KCTD16: variants seen among roughly 807,000 people sequenced by gnomAD.
The protein encoded by KCTD16 is BTB/POZ domain-containing protein KCTD16.
A neutral mutation model predicts 33.2 loss-of-function variants in KCTD16; 13 were observed. The ratio of observed to expected loss-of-function variants is 0.39; its 90% confidence interval spans 0.25 to 0.62. The LOEUF (loss-of-function observed/expected upper bound fraction) is 0.62. Ranked by LOEUF, KCTD16 falls within the 20% of genes least tolerant of loss-of-function variation. KCTD16 has a pLI of 0.50. For missense variants in KCTD16, 441 were observed against 525.1 expected, an observed-to-expected ratio of 0.84 and a Z score of 1.57; for synonymous variants, 197 against 195.3, an observed-to-expected ratio of 1.01 and a Z score of -0.07.
chr5:144,431,091 A>G (rs1753448774), intron 3 of KCTD16, among the ~76,000 whole-genome samples: 4 of 152,140 alleles, frequency 2.6e-5, no homozygotes, highest in Non-Finnish European at 5.9e-5. Flanking sequence ...ATTAAATGCA[A>G]TGGTACTTTC....
intron 3 of KCTD16, among the ~76,000 whole-genome samples, chr5:144,335,410 A>G (rs1234167736): frequency 6.6e-6 from 1 of 152,184 alleles, no homozygotes; most frequent in Non-Finnish European, 1.5e-5. Flanking sequence ...CTGGAGAACT[A>G]TACGTGTGAT....
chr5:144,419,668 T>C (rs1328213974), intron 3 of KCTD16, among the ~76,000 whole-genome samples: 2 of 152,182 alleles, frequency 1.3e-5, no homozygotes, highest in African/African-American at 4.8e-5. Context: ...CACTTTCCAC[T>C]AGTACTTTTC....
At chr5:144,466,706 T>C (rs1288431164) in intron 3 of KCTD16, among the ~76,000 whole-genome samples, 1 of 151,658 alleles carries the variant, frequency 6.6e-6, no homozygotes, top group African/African-American at 2.4e-5. Context: ...CTTGTCAACT[T>C]TATAACTTTG....
At position 144,474,230 on chromosome 5, in the gene KCTD16, C is replaced by A. The variant is rs1754546289; in HGVS notation, c.*116C>A. Reference sequence around the variant, plus strand: ...CTAATGATGCACATTTCTTAGAACACAATAGTCCATTGATATACTACTGCC... The same window carrying A: ...CTAATGATGCACATTTCTTAGAACAAAATAGTCCATTGATATACTACTGCC... On this transcript the variant is annotated 3_prime_UTR_variant, in exon 4 of 4. Coordinates refer to ENST00000512467, the MANE Select transcript of KCTD16 (RefSeq NM_020768.4). The A allele has an allele frequency of 2.5e-6, 2 of 787,938 alleles. No homozygotes were observed. Among genetic ancestry groups the A allele is most frequent in the Non-Finnish European group, 2.0e-6 (1 of 502,112 alleles). The allele number at this position is 787,938 out of a possible 1,614,324, so 48.8% of individuals were successfully genotyped here.
At chr5:144,254,211 C>T (rs1754781872) in intron 3 of KCTD16, among the ~76,000 whole-genome samples, 1 of 152,020 alleles carries the variant, frequency 6.6e-6, no homozygotes, top group Admixed American at 6.6e-5. Flanking sequence ...GATCTCCGCT[C>T]ACTGGAAGCT....
intron 3 of KCTD16, among the ~76,000 whole-genome samples, chr5:144,316,430 C>A (rs1019673171): frequency 6.6e-6 from 1 of 151,722 alleles, no homozygotes; most frequent in African/African-American, 2.4e-5. Flanking sequence ...TATGCCTCAG[C>A]GGTATCTAAG....
At chr5:144,327,768 G>A (rs141199496) in intron 3 of KCTD16, among the ~76,000 whole-genome samples, 41 of 152,152 alleles carry the variant, frequency 2.7e-4, no homozygotes, top group Middle Eastern at 6.8e-3. Context: ...GCAGGCTTGC[G>A]TCATTTTTTA....
At chr5:144,185,147 C>T (rs1330106333) in intron 2 of KCTD16, among the ~76,000 whole-genome samples, 1 of 152,070 alleles carries the variant, frequency 6.6e-6, no homozygotes. Context: ...GTGACTTGTC[C>T]AAAGTCAAAT....
rs12522463 is a variant in KCTD16, at chr5:144,181,927, C to T, written c.-327+7455C>T. On this transcript the variant is annotated intron_variant, in intron 2 of 3. Transcript: ENST00000512467. The stretch of plus-strand genomic sequence containing the variant: ...TGGCCAAGATGACAAAACCCCATCT[C>T]TACTAAAAATACAGAAATTAGCCAG... Among the ~76,000 whole-genome samples the T allele has an allele frequency of 8.7e-3, 1,321 of 152,196 alleles. 5 individuals are homozygous for T. The highest frequency in any genetic ancestry group is 0.013 in the Non-Finnish European group (899 of 68,000).
At chr5:144,194,519 G>T (rs1752904888) in intron 2 of KCTD16, among the ~76,000 whole-genome samples, 1 of 152,196 alleles carries the variant, frequency 6.6e-6, no homozygotes, top group African/African-American at 2.4e-5. Context: ...CTAATAATTA[G>T]AACAGTTTGG....
chr5:144,281,832 A>G (rs1184848598), intron 3 of KCTD16, among the ~76,000 whole-genome samples: 1 of 152,176 alleles, frequency 6.6e-6, no homozygotes, highest in African/African-American at 2.4e-5. Flanking sequence ...TCTTTCTGTT[A>G]AAGTCCATTT....
chr5:144,342,737 G>A (rs1220009207), intron 3 of KCTD16, among the ~76,000 whole-genome samples: 1 of 152,198 alleles, frequency 6.6e-6, no homozygotes, highest in African/African-American at 2.4e-5. Context: ...GCTCTTATTA[G>A]TTTGAGATAT....
rs561271123 is a variant in KCTD16, at chr5:144,280,699, C to G, written c.832+73153C>G. 2.2e-3 allele frequency among the ~76,000 whole-genome samples: 337 copies of G among 152,202 alleles called. 1 individual carries two copies. The highest frequency in any genetic ancestry group is 7.9e-3 in the African/African-American group (329 of 41,542). On this transcript the variant is annotated intron_variant, in intron 3 of 3. Coordinates refer to ENST00000512467, the MANE Select transcript of KCTD16 (RefSeq NM_020768.4). ...CAGCACTTCGGGAGGCCAAGGCGGG[C>G]GGATCACGAGGTCAGGAGATCGAGA...
At chr5:144,449,142 T>A (rs1271344680) in intron 3 of KCTD16, among the ~76,000 whole-genome samples, 1 of 152,024 alleles carries the variant, frequency 6.6e-6, no homozygotes, top group African/African-American at 2.4e-5. Context: ...AGTTAGAGAG[T>A]ACTCCTCTAA....
chr5:144,301,344 G>A (rs1376944398), intron 3 of KCTD16, among the ~76,000 whole-genome samples: 1 of 152,044 alleles, frequency 6.6e-6, no homozygotes, highest in Non-Finnish European at 1.5e-5. Flanking sequence ...CAGAGAAATG[G>A]ATTAGAAGCT....
intron 2 of KCTD16, among the ~76,000 whole-genome samples, chr5:144,187,138 G>T (rs527658743): frequency 6.6e-6 from 1 of 152,104 alleles, no homozygotes; most frequent in South Asian, 2.1e-4. Context: ...TTATTTGAAA[G>T]ATCTGACAAA....
intron 3 of KCTD16, among the ~76,000 whole-genome samples, chr5:144,347,399 C>T (rs138408320): frequency 2.0e-5 from 3 of 152,036 alleles, no homozygotes; most frequent in African/African-American, 4.8e-5. Flanking sequence ...GTTCGAGACC[C>T]GCCTGGCCAA....
chr5:144,417,849 T>G (rs546644305), intron 3 of KCTD16, among the ~76,000 whole-genome samples: 1 of 152,160 alleles, frequency 6.6e-6, no homozygotes, highest in Non-Finnish European at 1.5e-5. Context: ...TTGTTGAAGA[T>G]GTGTCTGGAA....
At chr5:144,455,947 A>G (rs1754051540) in intron 3 of KCTD16, among the ~76,000 whole-genome samples, 1 of 152,192 alleles carries the variant, frequency 6.6e-6, no homozygotes, top group Non-Finnish European at 1.5e-5. Flanking sequence ...CGATTCACAG[A>G]TAGACAGTGA....
Sources: allele counts gnomAD v4.1 joint callset (sites outside exome capture counted in the v4.1 genomes callset), GRCh38; gene constraint gnomAD v4.1.1; transcripts MANE v1.5; gene names NCBI Gene and HGNC (gene_info 2026-07-23, HGNC 2026-07-21).